ACIN1: variants seen among roughly 807,000 people sequenced by gnomAD.
ACIN1 encodes the protein apoptotic chromatin condensation inducer in the nucleus.
ACIN1 carries 16 observed loss-of-function variants against 146.6 expected under a neutral mutation model. The ratio of observed to expected loss-of-function variants is 0.11; its 90% CI spans 0.07 to 0.17. ACIN1 has a LOEUF of 0.17. Among genes scored for constraint, ACIN1 ranks in the 10% least tolerant of loss-of-function variants. The probability of loss-of-function intolerance (pLI) is 1.00; values close to 1 mark genes in which losing one functional copy is unlikely to be tolerated. For missense variants in ACIN1, 1,357 were observed against 1,609.3 expected (o/e 0.84, Z 2.68); for synonymous variants, 569 against 582.7 (o/e 0.98, Z 0.34).
At chr14:23,071,170 G>A in intron 8 of ACIN1, 1 of 1,551,360 alleles carries the variant, frequency 6.4e-7, no homozygotes, top group Non-Finnish European at 8.7e-7. Flanking sequence ...CCCCCTGGAA[G>A]TGCTGTTTAT....
At chr14:23,069,040 C>G in intron 9 of ACIN1, 1 of 987,236 alleles carries the variant, frequency 1.0e-6, no homozygotes, top group Non-Finnish European at 1.2e-6. Flanking sequence ...AGAGGAGGAA[C>G]AAAAATTTCT....
rs2047181129 is a variant in ACIN1 at position 23,059,018 on chromosome 14, G to C, written c.*130C>G. 1.2e-6 allele frequency: 1 copy of C among 829,590 alleles called. No homozygotes were observed. The highest frequency in any genetic ancestry group is 1.7e-5 in the African/African-American group (1 of 58,446). The allele number at this position is 829,590 out of a possible 1,614,324, so 51.4% of individuals were successfully genotyped here. A position where few individuals can be genotyped will look rare whatever the true frequency, so the allele number is the denominator to read the frequency against. Reference sequence around the variant, plus strand: ...GAAAAGGATGGCCACTTTTCCATTTGGTATGTATGTAGGGATAGGTGATGT... The same window carrying C: ...GAAAAGGATGGCCACTTTTCCATTTCGTATGTATGTAGGGATAGGTGATGT... On this transcript the variant is annotated 3_prime_UTR_variant, in exon 19 of 19. Coordinates refer to ENST00000605057, the MANE Select transcript of ACIN1 (RefSeq NM_001386863.1).
At chr14:23,085,372 A>G (rs984590386) in intron 4 of ACIN1, among the ~76,000 whole-genome samples, 8 of 152,228 alleles carry the variant, frequency 5.3e-5, no homozygotes, top group Non-Finnish European at 1.2e-4. Context: ...CAACAAAGTC[A>G]AATAACTGAG....
chr14:23,071,690 T>TC, intron 8 of ACIN1: 2 of 878,176 alleles, frequency 2.3e-6, no homozygotes, highest in Non-Finnish European at 3.3e-6. Flanking sequence ...AGCCGACTGC[T>TC]GGCTCCAGAG....
Position 23,079,656 on chromosome 14 carries a change from C to T in ACIN1, c.1679G>A (p.Arg560His), listed in dbSNP as rs774882688. The T allele has an allele frequency of 4.2e-5, 68 of 1,614,002 alleles. No homozygotes were observed. The highest frequency in any genetic ancestry group is 5.6e-5 in the Non-Finnish European group (66 of 1,180,018). The part of the protein sequence containing the change: ...RSKQRDVAQA[R>H]THANPRGRPK... ...TCTACCACGAGGGTTGGCATGAGTA[C>T]GTGCCTGGGCTACATCTCTCTGCTT... Residue 560 changes from arginine to histidine, a missense_variant, in exon 6 of 19, where the codon CGT becomes CAT. This residue lies in a region of ACIN1 where 771 missense variants were observed against 746.6 expected (regional missense o/e 1.03). Coordinates refer to ENST00000605057, the MANE Select transcript of ACIN1 (RefSeq NM_001386863.1).
chr14:23,069,027 G>A lies in ACIN1; in HGVS notation c.2265+449C>T, dbSNP rs1052510520. On this transcript the variant is annotated intron_variant, in intron 9 of 18. Coordinates refer to ENST00000605057, the MANE Select transcript of ACIN1 (RefSeq NM_001386863.1). ...CATCTCTGCAGTCAGACCACTGGAG[G>A]GCAGAGGAGGAACAAAAATTTCTCA... 4.1e-6 allele frequency: 4 copies of A among 986,570 alleles called. No homozygotes were observed. The African/African-American group carries it at 7.0e-5, about 17-fold the overall frequency. 61.1% of individuals were successfully genotyped at this position (986,570 alleles called of 1,614,324 possible). A position where few individuals can be genotyped will look rare whatever the true frequency, so the allele number is the denominator to read the frequency against.
chr14:23,070,850 G>T (rs1470474539), intron 8 of ACIN1, among the ~76,000 whole-genome samples: 1 of 152,104 alleles, frequency 6.6e-6, no homozygotes, highest in Admixed American at 6.5e-5. Flanking sequence ...GGGAAAATCG[G>T]AACTGTGCCC....
At chr14:23,094,494 T>A (rs2048316171) in intron 1 of ACIN1, 23 of 985,016 alleles carry the variant, frequency 2.3e-5, no homozygotes, top group Admixed American at 6.2e-5. Flanking sequence ...TCATCTCACC[T>A]CCTCATCTAA....
chr14:23,095,391 C>T, upstream of ACIN1: 1 of 1,375,264 alleles, frequency 7.3e-7, no homozygotes, highest in Non-Finnish European at 9.9e-7. Flanking sequence ...CGAATATATT[C>T]GGAAACCCTC....
At position 23,067,478 on chromosome 14, in the gene ACIN1, G is replaced by A; in HGVS notation, c.2266-1470C>T. ...CGTGGTAGTCAGCACGGCACTGCCA[G>A]AGTCCTCCCAGGGGCGCAGGGGGGG... On this transcript the variant is annotated intron_variant, in intron 9 of 18. Transcript: ENST00000605057. The surrounding 1 kb of genome is among the most constrained non-coding windows in gnomAD (Gnocchi z 4.6). The A allele has an allele frequency of 2.0e-6, 2 of 976,296 alleles. No homozygotes were observed. Among genetic ancestry groups the A allele is most frequent in the Non-Finnish European group, 2.4e-6 (2 of 825,746 alleles). 60.5% of individuals were successfully genotyped at this position (976,296 alleles called of 1,614,324 possible).
intron 4 of ACIN1, among the ~76,000 whole-genome samples, chr14:23,087,466 GTTTT>G (rs33926920): frequency 4.8e-5 from 7 of 146,148 alleles, no homozygotes; most frequent in African/African-American, 1.8e-4. Flanking sequence ...AACGTCTGGG[GTTTT>G]TTTTTTCCTC....
chr14:23,089,076 T>C (rs931170167), intron 4 of ACIN1, among the ~76,000 whole-genome samples: 1 of 152,216 alleles, frequency 6.6e-6, no homozygotes, highest in Non-Finnish European at 1.5e-5. Context: ...AGTCTCGCTC[T>C]ATTGTCCAGG....
intron 8 of ACIN1, among the ~76,000 whole-genome samples, chr14:23,073,002 T>C (rs1437161381): frequency 6.6e-6 from 1 of 152,250 alleles, no homozygotes. Context: ...AGAGTCTGGC[T>C]TGGAGGACAC....
At chr14:23,062,753 C>A in intron 14 of ACIN1, 176 bp downstream of exon 14, 1 of 902,122 alleles carries the variant, frequency 1.1e-6, no homozygotes, top group South Asian at 1.8e-5. Context: ...TGCAGGGCAA[C>A]AGCTTTTCCC....
Position 23,068,262 on chromosome 14 carries a change from T to C in ACIN1, c.2265+1214A>G. ...CAAACTTTAGGAGGTCTTGGTGCCC[T>C]AGATGGGGATCCCAACAGTCTGTAG... On this transcript the variant is annotated intron_variant, in intron 9 of 18. Coordinates refer to ENST00000605057, the MANE Select transcript of ACIN1 (RefSeq NM_001386863.1). The surrounding 1 kb of genome is among the most constrained non-coding windows in gnomAD (Gnocchi z 4.3). 2.0e-6 allele frequency: 2 copies of C among 985,854 alleles called. No homozygotes were observed. Among genetic ancestry groups the C allele is most frequent in the Non-Finnish European group, 1.2e-6 (1 of 829,956 alleles). 61.1% of individuals were successfully genotyped at this position (985,854 alleles called of 1,614,324 possible). A position where few individuals can be genotyped will look rare whatever the true frequency, so the allele number is the denominator to read the frequency against.
At position 23,067,504 on chromosome 14, in the gene ACIN1, C is replaced by T. The variant is rs1396507627; in HGVS notation, c.2266-1496G>A. The T allele has an allele frequency of 5.6e-5, 9 of 161,640 alleles. No individual in the cohort carries two copies. The highest frequency in any genetic ancestry group is 9.5e-5 in the African/African-American group (2 of 20,982). 10.0% of individuals were successfully genotyped at this position (161,640 alleles called of 1,614,324 possible). A position where few individuals can be genotyped will look rare whatever the true frequency, so the allele number is the denominator to read the frequency against. ...AGTCCTCCCAGGGGCGCAGGGGGGG[C>T]GGGAGGGAAACGTGTGGGGGGACGC... On this transcript the variant is annotated intron_variant, in intron 9 of 18. Coordinates refer to ENST00000605057, the MANE Select transcript of ACIN1 (RefSeq NM_001386863.1). The surrounding 1 kb of genome is among the most constrained non-coding windows in gnomAD (Gnocchi z 4.6).
At chr14:23,086,511 A>G (rs1256484720) in intron 4 of ACIN1, among the ~76,000 whole-genome samples, 1 of 152,230 alleles carries the variant, frequency 6.6e-6, no homozygotes, top group Non-Finnish European at 1.5e-5. Context: ...AAAGTCAGAC[A>G]GGATTTTATA....
rs749452807 is a variant in ACIN1, at chr14:23,062,397, A to T, written c.2991+19T>A. 9.9e-6 allele frequency: 16 copies of T among 1,612,856 alleles called. No individual in the cohort carries two copies. The East Asian group carries it at 3.6e-4, about 36-fold the overall frequency. ...GGAAATATATGCCATGACCTATAGA[A>T]TCAGCTTCTTCCCCTCACCGTTACA... is the stretch of plus-strand genomic sequence containing the variant. On this transcript the variant is annotated intron_variant, in intron 15 of 18. Transcript: ENST00000605057.
chr14:23,088,716 C>T (rs1273920936), intron 4 of ACIN1, among the ~76,000 whole-genome samples: 2 of 152,186 alleles, frequency 1.3e-5, no homozygotes, highest in East Asian at 3.8e-4. Flanking sequence ...ACTAACAATC[C>T]ACATGTCTTA....
Sources: gnomAD v4.1 joint callset for allele counts (sites outside exome capture counted in the v4.1 genomes callset) on GRCh38, gnomAD v4.1.1 for gene constraint, gnomAD v4.1.1 regional missense constraint, Gnocchi (gnomAD v3.1) non-coding constraint, MANE v1.5 for transcripts, NCBI Gene and HGNC (gene_info 2026-07-23, HGNC 2026-07-21) for gene names.